The following ERC2 variants were observed in gnomAD, a reference collection of about 807,000 sequenced individuals.
The protein encoded by ERC2 is ELKS/RAB6-interacting/CAST family member 2, also known as ERC protein 2.
A neutral mutation model predicts 114.8 loss-of-function variants in ERC2; 42 were observed. The ratio of observed to expected loss-of-function variants is 0.37; its 90% CI spans 0.29 to 0.47. The LOEUF (loss-of-function observed/expected upper bound fraction) is 0.47. Ranked by LOEUF, ERC2 falls within the 20% of genes least tolerant of loss-of-function variation. The pLI is 0.99. For synonymous variants in ERC2, 454 were observed against 425.5 expected (o/e 1.07, Z -0.82); for missense variants, 939 against 1,150.7 (o/e 0.82, Z 2.66).
chr3:55,898,000 G>A (rs566254872), intron 13 of ERC2, among the ~76,000 whole-genome samples: 1 of 152,066 alleles, frequency 6.6e-6, no homozygotes, highest in Non-Finnish European at 1.5e-5. Flanking sequence ...ATTTGTTTGG[G>A]CTCCAACTCT....
At chr3:55,706,442 G>C (rs2063494340) in intron 15 of ERC2, among the ~76,000 whole-genome samples, 2 of 152,216 alleles carry the variant, frequency 1.3e-5, no homozygotes, top group African/African-American at 4.8e-5. Flanking sequence ...TGTCACCCAG[G>C]CTGGAGTGCA....
At chr3:56,435,421 G>T (rs2061974095) in intron 1 of ERC2, among the ~76,000 whole-genome samples, 1 of 152,056 alleles carries the variant, frequency 6.6e-6, no homozygotes, top group African/African-American at 2.4e-5. Context: ...TATTCTTTAA[G>T]AAAATGAAGC....
At chr3:56,121,610 C>G (rs2079581993) in intron 6 of ERC2, among the ~76,000 whole-genome samples, 1 of 152,104 alleles carries the variant, frequency 6.6e-6, no homozygotes, top group Non-Finnish European at 1.5e-5. Context: ...ATTTTTTCTT[C>G]TTAAGCAAGA....
chr3:55,895,503 G>A (rs1378806880), intron 13 of ERC2, among the ~76,000 whole-genome samples: 1 of 152,166 alleles, frequency 6.6e-6, no homozygotes, highest in Non-Finnish European at 1.5e-5. Flanking sequence ...ACCAGCACAT[G>A]CCCATTCCTA....
chr3:56,462,835 C>T (rs1180983152), intron 1 of ERC2, among the ~76,000 whole-genome samples: 1 of 152,096 alleles, frequency 6.6e-6, no homozygotes, highest in African/African-American at 2.4e-5. Flanking sequence ...TAGTTTTATG[C>T]AATAAGAACT....
Position 55,523,721 on chromosome 3 carries a change from C to T in ERC2, c.*40-12445G>A, listed in dbSNP as rs78471009. On this transcript the variant is annotated intron_variant, in intron 17 of 17. Transcript: ENST00000288221. Reference sequence around the variant, plus strand: ...TGAAGTGTTTCTTGTGTTCCTGCCACACAGTGGGCATGCAATAAATATTGA... The same window carrying T: ...TGAAGTGTTTCTTGTGTTCCTGCCATACAGTGGGCATGCAATAAATATTGA... Among the ~76,000 whole-genome samples, 423 of 152,304 alleles carry T rather than the reference C, an allele frequency of 2.8e-3. 1 individual carries two copies. Among genetic ancestry groups the T allele is most frequent in the African/African-American group, 9.6e-3 (399 of 41,550 alleles).
intron 1 of ERC2, among the ~76,000 whole-genome samples, chr3:56,452,996 C>A (rs1350540532): frequency 6.6e-6 from 1 of 152,152 alleles, no homozygotes; most frequent in Non-Finnish European, 1.5e-5. Flanking sequence ...CAGCGTTAAA[C>A]ATCTTGCAAT....
intron 7 of ERC2, among the ~76,000 whole-genome samples, chr3:56,041,178 T>A (rs1407410803): frequency 6.6e-6 from 1 of 152,166 alleles, no homozygotes; most frequent in Non-Finnish European, 1.5e-5. Flanking sequence ...CTTGGACATT[T>A]TAGATATATG....
At chr3:56,427,626 T>A (rs1185361100) in intron 2 of ERC2, among the ~76,000 whole-genome samples, 2 of 152,148 alleles carry the variant, frequency 1.3e-5, no homozygotes, top group African/African-American at 2.4e-5. Flanking sequence ...ATGATTGGTG[T>A]CCTTATGAAA....
At chr3:56,344,234 T>C in intron 2 of ERC2, among the ~76,000 whole-genome samples, 1 of 152,148 alleles carries the variant, frequency 6.6e-6, no homozygotes, top group East Asian at 1.9e-4. Flanking sequence ...TGGCAGAATG[T>C]ATAATAACCT....
At chr3:56,010,652 T>C in intron 8 of ERC2, 63 bp from the exon 9 acceptor site, 1 of 1,519,058 alleles carries the variant, frequency 6.6e-7, no homozygotes, top group Non-Finnish European at 8.8e-7. Flanking sequence ...CAAAGCATAC[T>C]GTAAAAGAAA....
At chr3:56,443,997 G>C (rs1208093617) in intron 1 of ERC2, among the ~76,000 whole-genome samples, 1 of 117,292 alleles carries the variant, frequency 8.5e-6, no homozygotes, top group Non-Finnish European at 1.6e-5. Flanking sequence ...GAGTCTCACT[G>C]TGTCGCCCAG....
chr3:56,274,025 T>C (rs2053832160), intron 3 of ERC2, among the ~76,000 whole-genome samples: 2 of 152,200 alleles, frequency 1.3e-5, no homozygotes, highest in Non-Finnish European at 2.9e-5. Flanking sequence ...AGATGAGGAA[T>C]TGGTTACAGC....
intron 17 of ERC2, among the ~76,000 whole-genome samples, chr3:55,622,538 C>T (rs1173686148): frequency 2.0e-5 from 3 of 151,974 alleles, no homozygotes; most frequent in Non-Finnish European, 2.9e-5. Context: ...GCAGTATGGG[C>T]AAATGCAAGC....
intron 3 of ERC2, among the ~76,000 whole-genome samples, chr3:56,288,563 A>G (rs2150340906): frequency 6.6e-6 from 1 of 152,328 alleles, no homozygotes; most frequent in South Asian, 2.1e-4. Flanking sequence ...TAGCATTCAA[A>G]CTTAAAAGAA....
At chr3:55,591,881 A>G (rs886359501) in intron 17 of ERC2, among the ~76,000 whole-genome samples, 1 of 152,254 alleles carries the variant, frequency 6.6e-6, no homozygotes, top group African/African-American at 2.4e-5. Context: ...CACACAGCAT[A>G]TACATAGCAG....
chr3:56,273,214 C>T (rs549539791), intron 3 of ERC2, among the ~76,000 whole-genome samples: 2 of 151,796 alleles, frequency 1.3e-5, no homozygotes, highest in African/African-American at 4.8e-5. Context: ...AGCAAATGTG[C>T]CAAGATGAAA....
At chr3:56,080,738 T>C in intron 7 of ERC2, 79 bp downstream of exon 7, 1 of 1,435,304 alleles carries the variant, frequency 7.0e-7, no homozygotes, top group South Asian at 1.3e-5. Flanking sequence ...GATCACTTAT[T>C]TTCCATGTGC....
At chr3:55,743,593 CAAAAAAA>C (rs367859231) in intron 14 of ERC2, among the ~76,000 whole-genome samples, 101 of 97,200 alleles carry the variant, frequency 1.0e-3, no homozygotes, top group African/African-American at 1.3e-3. Flanking sequence ...CCTGATCCAC[CAAAAAAA>C]AAAAAAAAAA....
Sources: gnomAD v4.1 joint callset for allele counts (sites outside exome capture counted in the v4.1 genomes callset) on GRCh38, gnomAD v4.1.1 for gene constraint, MANE v1.5 for transcripts, NCBI Gene and HGNC (gene_info 2026-07-23, HGNC 2026-07-21) for gene names.